The following CNGB1 variants were observed in gnomAD, a reference collection of about 807,000 sequenced individuals.
CNGB1 encodes the protein cyclic nucleotide gated channel subunit beta 1, also known as cyclic nucleotide-gated channel beta-1.
CNGB1 carries 126 observed loss-of-function variants against 151.7 expected under a neutral mutation model. The observed-to-expected ratio is 0.83, with a 90% CI of 0.72 to 0.96. CNGB1 has a LOEUF of 0.96. Among genes scored for constraint, CNGB1 ranks in the 40% least tolerant of loss-of-function variants. The pLI is 0.00. For missense variants in CNGB1, 1,698 were observed against 1,627.0 expected (o/e 1.04, Z -0.75); for synonymous variants, 623 against 635.1 (o/e 0.98, Z 0.29).
intron 14 of CNGB1, among the ~76,000 whole-genome samples, chr16:57,940,999 A>G (rs1369966991): frequency 1.3e-5 from 2 of 151,988 alleles, no homozygotes; most frequent in African/African-American, 4.8e-5. Context: ...GAAGGCAGCA[A>G]CCCCACTCCG....
Position 57,901,636 on chromosome 16 carries a change from G to A in CNGB1, c.2795-11C>T. On this transcript the variant is annotated splice_polypyrimidine_tract_variant and intron_variant, in intron 27 of 32. Coordinates refer to ENST00000251102, the MANE Select transcript of CNGB1 (RefSeq NM_001297.5). ...TCAGCTCTGACTCATCTGTGAACAA[G>A]GCCTGGCAAGGGTCAGAGGCAAGGC... 1 of 1,612,206 alleles carries A rather than the reference G, an allele frequency of 6.2e-7. No individual in the cohort carries two copies. The highest frequency in any genetic ancestry group is 8.5e-7 in the Non-Finnish European group (1 of 1,179,012).
chr16:57,919,687 A>G (rs916664776), intron 19 of CNGB1, among the ~76,000 whole-genome samples: 1 of 152,214 alleles, frequency 6.6e-6, no homozygotes, highest in Non-Finnish European at 1.5e-5. Context: ...GTATTGCTCC[A>G]GGTTTCTGAG....
intron 14 of CNGB1, among the ~76,000 whole-genome samples, chr16:57,944,415 G>C (rs1370023814): frequency 2.6e-5 from 4 of 152,162 alleles, no homozygotes. Flanking sequence ...GTTGGTTAAA[G>C]GGTACAAAGA....
chr16:57,967,154 C>T lies in CNGB1; in HGVS notation c.133G>A (p.Glu45Lys). 1 of 1,614,228 alleles carries T rather than the reference C, an allele frequency of 6.2e-7. No individual in the cohort carries two copies. The highest frequency in any genetic ancestry group is 8.5e-7 in the Non-Finnish European group (1 of 1,180,052). ...AEVEPEPNPE[E>K]AETESESMPP... ...ATGGACTCGGACTCTGTCTCGGCCT[C>T]CTCAGGATTCGGTTCTGGTTCCACC... The change falls in exon 2 of 33, where the codon GAG becomes AAG. Residue 45 changes from glutamate (E) to lysine (K), a missense_variant. Physicochemically the swap from Glu to Lys is moderately conservative, Grantham distance 56. Coordinates refer to ENST00000251102, the MANE Select transcript of CNGB1 (RefSeq NM_001297.5).
rs1961357953 is a variant in CNGB1, at chr16:57,931,801, T to C, written c.1450A>G (p.Asn484Asp). 6.2e-7 allele frequency: 1 copy of C among 1,614,118 alleles called. No individual in the cohort carries two copies. The highest frequency in any genetic ancestry group is 2.2e-5 in the East Asian group (1 of 44,876). The change falls in exon 17 of 33, where the codon AAT becomes GAT. Residue 484 changes from asparagine to aspartate, a missense_variant. Asn to Asp is a conservative substitution (Grantham distance 23). Coordinates refer to ENST00000251102, the MANE Select transcript of CNGB1 (RefSeq NM_001297.5). ...GGCGGCAACACGGTTGAGGGTGGAT[T>C]CTCTTCTGCCATGAGGGGGCAGCTA... Reference protein sequence around the residue: ...ADSCPLMAEENPPSTVLPPPS... With the variant: ...ADSCPLMAEEDPPSTVLPPPS...
At chr16:57,965,657 T>TACACATACACATG (rs56228124) in intron 2 of CNGB1, among the ~76,000 whole-genome samples, 87,617 of 151,526 alleles carry the variant, frequency 0.58, 26,217 homozygotes, top group Non-Finnish European at 0.67. Flanking sequence ...TATGTGTATA[T>TACACATACACATG]ACACATTCAC....
chr16:57,897,999 T>A, intron 29 of CNGB1, 85 bp from the exon 30 acceptor site: 1 of 1,436,028 alleles, frequency 7.0e-7, no homozygotes, highest in South Asian at 1.1e-5. Context: ...AGGCTGGAGG[T>A]CCGGCAAGGA....
intron 14 of CNGB1, among the ~76,000 whole-genome samples, chr16:57,946,969 G>A (rs1298484856): frequency 6.6e-6 from 1 of 152,270 alleles, no homozygotes; most frequent in Non-Finnish European, 1.5e-5. Context: ...TCACGTGGAT[G>A]TGTGCAAGTA....
At chr16:57,915,195 G>A (rs1044064942) in intron 23 of CNGB1, 54 bp downstream of exon 23, 20 of 1,422,844 alleles carry the variant, frequency 1.4e-5, no homozygotes, top group African/African-American at 9.8e-5. Context: ...TGCCAGTGTC[G>A]GTGCAGAGCA....
intron 17 of CNGB1, among the ~76,000 whole-genome samples, chr16:57,924,966 G>A (rs550599218): frequency 1.3e-5 from 2 of 152,192 alleles, no homozygotes; most frequent in East Asian, 3.9e-4. Context: ...GTGGAACAAT[G>A]ACCCAATTAA....
At chr16:57,966,687 T>C (rs1962407146) in intron 2 of CNGB1, among the ~76,000 whole-genome samples, 1 of 152,252 alleles carries the variant, frequency 6.6e-6, no homozygotes, top group Non-Finnish European at 1.5e-5. Flanking sequence ...AAACAGTTCA[T>C]GGACTGGCTC....
chr16:57,912,038 A>C (rs1960731412), intron 24 of CNGB1, 163 bp from the exon 25 acceptor site: 4 of 860,248 alleles, frequency 4.6e-6, no homozygotes, highest in Middle Eastern at 6.9e-4. Flanking sequence ...CGTTGTCATG[A>C]CCTGGGGCTA....
chr16:57,944,373 G>A (rs1225715015), intron 14 of CNGB1, among the ~76,000 whole-genome samples: 1 of 152,148 alleles, frequency 6.6e-6, no homozygotes, highest in Non-Finnish European at 1.5e-5. Context: ...GTTACCAGGG[G>A]CTGGGGAGGG....
chr16:57,889,548 G>A (rs1371723830), intron 31 of CNGB1, among the ~76,000 whole-genome samples: 1 of 152,218 alleles, frequency 6.6e-6, no homozygotes, highest in Non-Finnish European at 1.5e-5. Flanking sequence ...ACCTAGCTAA[G>A]CCATGTCCGG....
intron 15 of CNGB1, among the ~76,000 whole-genome samples, chr16:57,939,935 T>C (rs1350081753): frequency 2.0e-5 from 3 of 152,146 alleles, no homozygotes; most frequent in Non-Finnish European, 4.4e-5. Flanking sequence ...AAGGGAGGCG[T>C]CTGTAGCCCC....
chr16:57,925,550 C>T (rs954780166), intron 17 of CNGB1, among the ~76,000 whole-genome samples: 1 of 152,198 alleles, frequency 6.6e-6, no homozygotes, highest in Non-Finnish European at 1.5e-5. Flanking sequence ...TTGCTACACT[C>T]AGCAGGGCTC....
At position 57,920,568 on chromosome 16, in the gene CNGB1, G is replaced by A. The variant is rs376790844; in HGVS notation, c.1644-24C>T. 81 of 1,608,712 alleles carry A rather than the reference G, an allele frequency of 5.0e-5. No individual in the cohort carries two copies. In the African/African-American group the frequency reaches 9.5e-4, roughly 19 times the overall value. On this transcript the variant is annotated intron_variant, in intron 18 of 32. Transcript: ENST00000251102. Reference sequence around the variant, plus strand: ...CACTGTGGGAACATCACCCAAAGCTGAGCAGGCTGAGCCGGGAGGGACCTG... The same window carrying A: ...CACTGTGGGAACATCACCCAAAGCTAAGCAGGCTGAGCCGGGAGGGACCTG...
At chr16:57,911,697 T>A in intron 25 of CNGB1, 56 bp downstream of exon 25, 1 of 1,610,090 alleles carries the variant, frequency 6.2e-7, no homozygotes. Context: ...TGCTGCGAAT[T>A]ATAAAGAACA....
At chr16:57,945,133 G>A (rs998589183) in intron 14 of CNGB1, among the ~76,000 whole-genome samples, 1 of 152,100 alleles carries the variant, frequency 6.6e-6, no homozygotes, top group South Asian at 2.1e-4. Context: ...CATACCGCCT[G>A]TGCAAGGTGG....
Sources: allele counts gnomAD v4.1 joint callset (sites outside exome capture counted in the v4.1 genomes callset), GRCh38; gene constraint gnomAD v4.1.1; transcripts MANE v1.5; gene names NCBI Gene and HGNC (gene_info 2026-07-23, HGNC 2026-07-21).